Variants in ZNF800 observed in about 807,000 individuals in gnomAD.
ZNF800 encodes zinc finger protein 800.
A neutral mutation model predicts 59.5 loss-of-function variants in ZNF800; 13 were observed. That is an observed-to-expected ratio of 0.22 (90% confidence interval 0.14 to 0.35). The LOEUF (loss-of-function observed/expected upper bound fraction) is 0.35, where lower values mean the gene tolerates loss of function less well. Among genes scored for constraint, ZNF800 ranks in the 10% least tolerant of loss-of-function variants. ZNF800 has a pLI of 1.00. For synonymous variants in ZNF800, 266 were observed against 265.7 expected, an observed-to-expected ratio of 1.00 and a Z score of -0.01; for missense variants, 621 against 783.7, an observed-to-expected ratio of 0.79 and a Z score of 2.48.
chr7:127,386,662 G>A (rs1042083637), intron 2 of ZNF800, among the ~76,000 whole-genome samples: 1 of 152,208 alleles, frequency 6.6e-6, no homozygotes, highest in Non-Finnish European at 1.5e-5. Flanking sequence ...GATGGATGCA[G>A]AAGAATGTTC....
At chr7:127,382,952 A>G (rs1455374181) in intron 3 of ZNF800, among the ~76,000 whole-genome samples, 1 of 152,210 alleles carries the variant, frequency 6.6e-6, no homozygotes, top group Non-Finnish European at 1.5e-5. Flanking sequence ...AACCACAGAC[A>G]CATATTACTT....
intron 1 of ZNF800, among the ~76,000 whole-genome samples, chr7:127,357,382 T>A (rs1273735900): frequency 6.6e-6 from 1 of 152,112 alleles, no homozygotes; most frequent in Non-Finnish European, 1.5e-5. Context: ...TGTTCAACCT[T>A]TAATAGTACC....
Position 127,385,723 on chromosome 7 carries a change from T to G in ZNF800, c.157+337A>C, listed in dbSNP as rs530003385. 4.7e-4 allele frequency among the ~76,000 whole-genome samples: 71 copies of G among 152,228 alleles called. No homozygotes were observed. In the South Asian group the frequency reaches 0.014, roughly 31 times the overall value. On this transcript the variant is annotated intron_variant, in intron 3 of 5. Transcript: ENST00000265827. ...AAAGCTCATGAAGACCCAGAATAAT[T>G]TACTGCCTTTTGAGAGTTTACACAA...
intron 1 of ZNF800, chr7:127,360,663 T>C (rs1280634575): frequency 6.6e-6 from 1 of 151,936 alleles, no homozygotes; most frequent in East Asian, 1.9e-4. Context: ...TCATCCAAGA[T>C]GGAAACTTTA....
downstream of ZNF800, among the ~76,000 whole-genome samples, chr7:127,345,837 A>G (rs903042725): frequency 2.0e-5 from 3 of 152,220 alleles, no homozygotes; most frequent in African/African-American, 7.2e-5. Context: ...GTGTCACAAT[A>G]TCCCGGTAGG....
intron 5 of ZNF800, 131 bp downstream of exon 5, chr7:127,373,211 G>A: frequency 6.8e-7 from 1 of 1,468,204 alleles, no homozygotes; most frequent in East Asian, 2.4e-5. Flanking sequence ...CATTACTCTT[G>A]CAGTTCCCAT....
chr7:127,367,434 T>C (rs1305161130), downstream of ZNF800, among the ~76,000 whole-genome samples: 3 of 152,148 alleles, frequency 2.0e-5, no homozygotes, highest in African/African-American at 7.2e-5. Context: ...TGAACTTCTC[T>C]AAGTTTCTAT....
chr7:127,354,662 T>C (rs1240508171), intron 1 of ZNF800, among the ~76,000 whole-genome samples: 2 of 152,132 alleles, frequency 1.3e-5, no homozygotes, highest in Non-Finnish European at 2.9e-5. Flanking sequence ...AAAACTTACC[T>C]TTCACAGTAT....
At chr7:127,385,339 G>A (rs184905019) in intron 3 of ZNF800, among the ~76,000 whole-genome samples, 1 of 152,192 alleles carries the variant, frequency 6.6e-6, no homozygotes, top group Non-Finnish European at 1.5e-5. Context: ...GGGTGGACAA[G>A]TGGATTATAG....
chr7:127,388,937 A>G (rs1587457562), intron 2 of ZNF800, among the ~76,000 whole-genome samples: 1 of 152,194 alleles, frequency 6.6e-6, no homozygotes, highest in African/African-American at 2.4e-5. Flanking sequence ...CATCCTCCCA[A>G]GATCAGACCC....
rs577977623 is a variant in ZNF800, at chr7:127,384,227, C to CTTTTTTTTTTT, written c.157+1822_157+1832dup. ...CTTATGACTTAACTAATTCTAACTT[C>CTTTTTTTTTTT]TTTTTTTTTTTTTTTTTTTTTTTTT... On this transcript the variant is annotated intron_variant, in intron 3 of 5. Coordinates refer to ENST00000265827, the MANE Select transcript of ZNF800 (RefSeq NM_176814.5). 2.7e-3 allele frequency among the ~76,000 whole-genome samples: 171 copies of CTTTTTTTTTTT among 63,370 alleles called. 41 individuals are homozygous for CTTTTTTTTTTT. Among genetic ancestry groups the CTTTTTTTTTTT allele is most frequent in the Middle Eastern group, 8.9e-3 (1 of 112 alleles). The allele number at this position is 63,370 out of a possible 152,430, so 41.6% of individuals were successfully genotyped here. A position where few individuals can be genotyped will look rare whatever the true frequency, so the allele number is the denominator to read the frequency against.
chr7:127,355,417 T>G (rs1296585436), intron 1 of ZNF800, among the ~76,000 whole-genome samples: 1 of 151,966 alleles, frequency 6.6e-6, no homozygotes, highest in Non-Finnish European at 1.5e-5. Flanking sequence ...AGTCTAATCA[T>G]GGGGGGCAAT....
chr7:127,384,023 T>C (rs1351172218), intron 3 of ZNF800, among the ~76,000 whole-genome samples: 1 of 151,864 alleles, frequency 6.6e-6, no homozygotes, highest in East Asian at 1.9e-4. Context: ...AGAGTAAAAA[T>C]ACGACAAACA....
At chr7:127,368,419 C>T (rs1800557648), downstream of ZNF800, among the ~76,000 whole-genome samples, 2 of 151,948 alleles carry the variant, frequency 1.3e-5, no homozygotes, top group Non-Finnish European at 2.9e-5. Flanking sequence ...ACAGCACAGC[C>T]AATATCCTGC....
At chr7:127,364,772 A>G (rs929978019) in intron 1 of ZNF800, 1 of 152,144 alleles carries the variant, frequency 6.6e-6, no homozygotes, top group African/African-American at 2.4e-5. Context: ...AAGAAGAGAC[A>G]GAAGATAAAA....
chr7:127,379,841 CCCA>C (rs1800907736), intron 3 of ZNF800, among the ~76,000 whole-genome samples: 1 of 42,682 alleles, frequency 2.3e-5, no homozygotes, highest in Non-Finnish European at 4.7e-5. Context: ...TTGCCACCCC[CCCA>C]CCCCCCCACC....
chr7:127,363,689 T>G (rs1800442562), intron 1 of ZNF800: 1 of 151,544 alleles, frequency 6.6e-6, no homozygotes, highest in Admixed American at 6.6e-5. Context: ...CAAAGAAAGT[T>G]GGTAAGGGCA....
At chr7:127,344,231 T>G (rs890462431), downstream of ZNF800, among the ~76,000 whole-genome samples, 1 of 151,902 alleles carries the variant, frequency 6.6e-6, no homozygotes, top group Admixed American at 6.6e-5. Context: ...AATAAATAGC[T>G]TGACCCCAGA....
downstream of ZNF800, among the ~76,000 whole-genome samples, chr7:127,367,535 T>C (rs542803717): frequency 4.4e-4 from 67 of 152,276 alleles, 1 homozygote; most frequent in Non-Finnish European, 7.3e-4. Context: ...TGAAAAGATT[T>C]AGCAGAGTGC....
Sources: gnomAD v4.1 joint callset for allele counts (sites outside exome capture counted in the v4.1 genomes callset) on GRCh38, gnomAD v4.1.1 for gene constraint, MANE v1.5 for transcripts, NCBI Gene and HGNC (gene_info 2026-07-23, HGNC 2026-07-21) for gene names.